STK33: variants seen among roughly 807,000 people sequenced by gnomAD.
The protein encoded by STK33 is serine/threonine-protein kinase 33.
In STK33, 52 loss-of-function variants were observed where a neutral mutation model predicts 58.0. The observed-to-expected ratio is 0.90, with a 90% CI of 0.72 to 1.13. STK33 has a LOEUF of 1.13. STK33 is among the 50% of genes most tolerant of loss of function. The pLI is 0.00. For missense variants in STK33, 630 were observed against 604.2 expected, an observed-to-expected ratio of 1.04 and a Z score of -0.45; for synonymous variants, 215 against 200.1, an observed-to-expected ratio of 1.07 and a Z score of -0.63.
chr11:8,560,371 T>G (rs1315451069), intron 1 of STK33, among the ~76,000 whole-genome samples: 3 of 152,052 alleles, frequency 2.0e-5, no homozygotes. Flanking sequence ...TTTTTTCAAA[T>G]TTTTTTTCTG....
chr11:8,444,845 T>C (rs1945220361), intron 11 of STK33, among the ~76,000 whole-genome samples: 1 of 152,186 alleles, frequency 6.6e-6, no homozygotes, highest in African/African-American at 2.4e-5. Context: ...TTCAAACTAT[T>C]ATTAGATAAT....
the STK33 span, among the ~76,000 whole-genome samples, chr11:8,381,699 C>T: frequency 6.6e-6 from 1 of 152,166 alleles, no homozygotes. Flanking sequence ...GCTGGACTAC[C>T]TCTCACCCTT....
At chr11:8,344,545 G>T in the STK33 span, among the ~76,000 whole-genome samples, 1 of 152,226 alleles carries the variant, frequency 6.6e-6, no homozygotes, top group Non-Finnish European at 1.5e-5. Context: ...GCACAGAGAG[G>T]TTAAGTAATG....
At chr11:8,465,868 T>A (rs1948121367) in intron 6 of STK33, 1 of 153,226 alleles carries the variant, frequency 6.5e-6, no homozygotes, top group South Asian at 2.1e-4. Flanking sequence ...TTATTGGATT[T>A]ACAGTTCCAC....
intron 1 of STK33, among the ~76,000 whole-genome samples, chr11:8,503,305 A>T (rs117212330): frequency 0.053 from 8,084 of 152,274 alleles, 289 homozygotes; most frequent in Non-Finnish European, 0.071. Context: ...GAATAAGATC[A>T]TGTCTTTTGT....
intron 1 of STK33, among the ~76,000 whole-genome samples, chr11:8,544,400 T>C (rs1016536012): frequency 1.3e-5 from 2 of 149,420 alleles, no homozygotes; most frequent in African/African-American, 4.9e-5. Context: ...TCCTTAACTG[T>C]CATGTAGCTA....
intron 1 of STK33, among the ~76,000 whole-genome samples, chr11:8,534,562 C>CTG (rs1385373380): frequency 0.014 from 1,743 of 128,900 alleles, 27 homozygotes; most frequent in East Asian, 0.038. Context: ...CTCTCTCTCT[C>CTG]TCTCTCTGTG....
In STK33 at chr11:8,392,495, A is replaced by G. The variant is rs764746412; in HGVS notation, c.*15T>C. On this transcript the variant is annotated 3_prime_UTR_variant, in exon 16 of 16. Transcript: ENST00000687296. ...AGCAGCTTTGTTTTTGTACTGTCCA[A>G]CACTGGAGGGAACCTTAGAGTTTCT... 1 of 1,613,930 alleles carries G rather than the reference A, an allele frequency of 6.2e-7. No individual in the cohort carries two copies. Among genetic ancestry groups the G allele is most frequent in the South Asian group, 1.1e-5 (1 of 91,076 alleles).
intron 1 of STK33, among the ~76,000 whole-genome samples, chr11:8,589,286 G>C (rs2032217566): frequency 6.6e-6 from 1 of 152,106 alleles, no homozygotes; most frequent in South Asian, 2.1e-4. Flanking sequence ...CTGATGAATG[G>C]ATACACAAAA....
intron 15 of STK33, among the ~76,000 whole-genome samples, chr11:8,400,554 T>C (rs1207096217): frequency 1.3e-5 from 2 of 152,198 alleles, no homozygotes; most frequent in Non-Finnish European, 2.9e-5. Flanking sequence ...CTTTGAAAAC[T>C]GGCACAAGAC....
chr11:8,379,753 T>C, the STK33 span, among the ~76,000 whole-genome samples: 1 of 152,180 alleles, frequency 6.6e-6, no homozygotes, highest in Admixed American at 6.5e-5. Flanking sequence ...ATTAGTTATT[T>C]TTTCTGATCC....
chr11:8,349,363 C>T, the STK33 span, among the ~76,000 whole-genome samples: 10 of 152,206 alleles, frequency 6.6e-5, no homozygotes, highest in Admixed American at 6.5e-4. Context: ...AGCCTTTTAT[C>T]CCAGTACCCA....
chr11:8,386,720 G>A, the STK33 span, among the ~76,000 whole-genome samples: 2 of 152,174 alleles, frequency 1.3e-5, no homozygotes, highest in East Asian at 1.9e-4. Flanking sequence ...ACGTCACTGC[G>A]CCTAACCGTC....
Position 8,464,759 on chromosome 11 carries a change from C to CT in STK33, c.402dup (p.Asp135ArgfsTer11). ...GCCCACTTCGTTTCTGTTTCCTTGTCTGTCGCTTCAATGACTATTCCAAAG... is the reference window on the plus strand; with the variant it reads ...GCCCACTTCGTTTCTGTTTCCTTGTCTTGTCGCTTCAATGACTATTCCAAAG... On this transcript the variant is annotated frameshift_variant, in exon 7 of 16. Coordinates refer to ENST00000687296, the MANE Select transcript of STK33 (RefSeq NM_001352389.2). LOFTEE classifies it high-confidence loss of function. 1.2e-6 allele frequency: 2 copies of CT among 1,613,396 alleles called. No individual in the cohort carries two copies. The highest frequency in any genetic ancestry group is 1.7e-6 in the Non-Finnish European group (2 of 1,179,790).
intron 8 of STK33, among the ~76,000 whole-genome samples, chr11:8,458,532 G>A (rs1366875290): frequency 1.3e-5 from 2 of 151,754 alleles, no homozygotes; most frequent in African/African-American, 2.4e-5. Flanking sequence ...AAGAAGGAGG[G>A]AAATGAAAAG....
intron 1 of STK33, among the ~76,000 whole-genome samples, chr11:8,521,119 A>G (rs1202954501): frequency 6.6e-6 from 1 of 151,938 alleles, no homozygotes; most frequent in Non-Finnish European, 1.5e-5. Context: ...ACAGAATTGG[A>G]AAAAACTACT....
At chr11:8,344,523 T>TTA in the STK33 span, among the ~76,000 whole-genome samples, 1 of 152,216 alleles carries the variant, frequency 6.6e-6, no homozygotes, top group Non-Finnish European at 1.5e-5. Context: ...GTTTTACAGT[T>TTA]TAGAGGACTG....
intron 1 of STK33, among the ~76,000 whole-genome samples, chr11:8,579,567 T>C (rs1358052412): frequency 6.6e-6 from 1 of 151,846 alleles, no homozygotes; most frequent in Non-Finnish European, 1.5e-5. Flanking sequence ...TATTAAATAA[T>C]GAAATAAATA....
the STK33 span, among the ~76,000 whole-genome samples, chr11:8,355,335 T>G: frequency 6.6e-6 from 1 of 152,242 alleles, no homozygotes; most frequent in Admixed American, 6.5e-5. Flanking sequence ...TGCATGGAAA[T>G]GTGGCTGGTC....
Sources: gnomAD v4.1 joint callset for allele counts (sites outside exome capture counted in the v4.1 genomes callset) on GRCh38, gnomAD v4.1.1 for gene constraint, MANE v1.5 for transcripts, NCBI Gene and HGNC (gene_info 2026-07-23, HGNC 2026-07-21) for gene names.